RAPGEF4: variants seen among roughly 807,000 people sequenced by gnomAD.
RAPGEF4 encodes Rap guanine nucleotide exchange factor 4, also known as RAP guanine-nucleotide-exchange factor (GEF) 4.
Under a neutral mutation model 147.9 loss-of-function variants are expected in RAPGEF4, and 66 were observed. That is an observed-to-expected ratio of 0.45 (90% confidence interval 0.37 to 0.55). RAPGEF4 has a LOEUF of 0.55. Ranked by LOEUF, RAPGEF4 falls within the 20% of genes least tolerant of loss-of-function variation. The pLI is 0.00. For missense variants in RAPGEF4, 1,071 were observed against 1,257.3 expected (o/e 0.85, Z 2.24); for synonymous variants, 419 against 442.7 (o/e 0.95, Z 0.67).
At chr2:172,864,762 A>G (rs1694441585) in intron 4 of RAPGEF4, among the ~76,000 whole-genome samples, 1 of 152,204 alleles carries the variant, frequency 6.6e-6, no homozygotes, top group Non-Finnish European at 1.5e-5. Context: ...AAAATTAGCC[A>G]GGCATGGTGG....
intron 6 of RAPGEF4, among the ~76,000 whole-genome samples, chr2:172,959,728 G>A (rs905836568): frequency 6.6e-6 from 1 of 152,180 alleles, no homozygotes; most frequent in Non-Finnish European, 1.5e-5. Flanking sequence ...TGTAAGACTA[G>A]AGGGCTTAAT....
In RAPGEF4 at chr2:173,002,792, G is replaced by A. The variant is rs1321239995; in HGVS notation, c.1658+1448G>A. Reference sequence around the variant, plus strand: ...AGGTGCAACTCAGAGGCAGCTTCAAGAGGGAGATTTGTGTGTTTATTTGCC... The same window carrying A: ...AGGTGCAACTCAGAGGCAGCTTCAAAAGGGAGATTTGTGTGTTTATTTGCC... On this transcript the variant is annotated intron_variant, in intron 17 of 30. Coordinates refer to ENST00000397081, the MANE Select transcript of RAPGEF4 (RefSeq NM_007023.4). Among the ~76,000 whole-genome samples the A allele has an allele frequency of 2.0e-5, 3 of 152,148 alleles. No homozygotes were observed. The East Asian group carries it at 5.8e-4, about 29-fold the overall frequency.
chr2:172,975,706 C>T (rs576398400), intron 10 of RAPGEF4, among the ~76,000 whole-genome samples: 22 of 152,326 alleles, frequency 1.4e-4, no homozygotes, highest in African/African-American at 4.8e-4. Flanking sequence ...AGTAACAATG[C>T]ATTCATGTAG....
intron 19 of RAPGEF4, among the ~76,000 whole-genome samples, chr2:173,016,741 A>G (rs183808580): frequency 6.6e-6 from 1 of 152,356 alleles, no homozygotes; most frequent in Non-Finnish European, 1.5e-5. Context: ...TGGCAATAAA[A>G]TGGCCAGCGG....
chr2:172,822,010 G>A (rs750912583), intron 4 of RAPGEF4: 1 of 1,606,604 alleles, frequency 6.2e-7, no homozygotes, highest in Non-Finnish European at 8.5e-7. Context: ...TTAGTGAAGG[G>A]TGGGAGAGTG....
At chr2:172,859,440 G>C (rs1285796792) in intron 4 of RAPGEF4, among the ~76,000 whole-genome samples, 4 of 152,220 alleles carry the variant, frequency 2.6e-5, no homozygotes, top group Non-Finnish European at 5.9e-5. Flanking sequence ...GAAAGGAATT[G>C]ACAGCTCATG....
At chr2:173,020,051 A>C (rs1439720213) in intron 22 of RAPGEF4, among the ~76,000 whole-genome samples, 3 of 152,178 alleles carry the variant, frequency 2.0e-5, no homozygotes, top group African/African-American at 2.4e-5. Flanking sequence ...GCATGCAGTA[A>C]ATACAAAATA....
At chr2:172,965,523 G>A in intron 8 of RAPGEF4, 39 bp from the exon 9 acceptor site, 1 of 1,601,284 alleles carries the variant, frequency 6.2e-7, no homozygotes, top group African/African-American at 1.3e-5. Flanking sequence ...ATCTGAAAAG[G>A]GGTGACTTCC....
At chr2:172,884,910 A>G (rs551218891) in intron 4 of RAPGEF4, among the ~76,000 whole-genome samples, 8 of 152,364 alleles carry the variant, frequency 5.3e-5, no homozygotes, top group African/African-American at 1.9e-4. Flanking sequence ...CTTTCTGATG[A>G]AACATAAAGA....
chr2:173,015,506 G>A (rs749665454), intron 18 of RAPGEF4, among the ~76,000 whole-genome samples: 6 of 152,190 alleles, frequency 3.9e-5, no homozygotes, highest in African/African-American at 1.2e-4. Context: ...CCAGAGGTGC[G>A]AGGCAGTGAG....
intron 1 of RAPGEF4, among the ~76,000 whole-genome samples, chr2:172,755,443 G>A (rs1695679378): frequency 6.6e-6 from 1 of 152,178 alleles, no homozygotes; most frequent in Non-Finnish European, 1.5e-5. Context: ...TGCCCAGGCT[G>A]GAGTGCAGTG....
Position 173,042,090 on chromosome 2 carries a change from A to G in RAPGEF4, c.2853+5398A>G, listed in dbSNP as rs1238995085. Among the ~76,000 whole-genome samples, 1 of 152,168 alleles carries G rather than the reference A, an allele frequency of 6.6e-6. No homozygotes were observed. The highest frequency in any genetic ancestry group is 6.5e-5 in the Admixed American group (1 of 15,276). On this transcript the variant is annotated intron_variant, in intron 29 of 30. Transcript: ENST00000397081. The surrounding 1 kb of genome is among the most constrained non-coding windows in gnomAD (Gnocchi z 4.2). ...CTGGGATTATCTTCCTGCCTCTTCA[A>G]TGTCTTCCCTACCAGAATGTAAGTG...
intron 1 of RAPGEF4, among the ~76,000 whole-genome samples, chr2:172,741,294 A>G (rs776981847): frequency 8.5e-5 from 13 of 152,314 alleles, no homozygotes; most frequent in Non-Finnish European, 1.3e-4. Flanking sequence ...TTTAGTCCCT[A>G]TATTTTATTC....
chr2:173,023,150 A>AGAT (rs1203696266), intron 23 of RAPGEF4, among the ~76,000 whole-genome samples: 1 of 152,214 alleles, frequency 6.6e-6, no homozygotes, highest in African/African-American at 2.4e-5. Context: ...GAGGAAAGGA[A>AGAT]GATGCTCCGG....
chr2:172,963,281 C>T (rs1689490349), intron 8 of RAPGEF4, among the ~76,000 whole-genome samples: 1 of 152,152 alleles, frequency 6.6e-6, no homozygotes. Context: ...AGGCCCCCTA[C>T]ATACTGCTAT....
intron 4 of RAPGEF4, among the ~76,000 whole-genome samples, chr2:172,868,563 T>C (rs1010014933): frequency 2.6e-5 from 4 of 152,168 alleles, no homozygotes; most frequent in African/African-American, 9.7e-5. Flanking sequence ...GAATGGTGCC[T>C]GTGCCCTCTT....
At chr2:172,744,503 A>G (rs1694600692) in intron 1 of RAPGEF4, 25 of 449,216 alleles carry the variant, frequency 5.6e-5, no homozygotes, top group South Asian at 3.8e-4. Context: ...TAGGAGTCAG[A>G]CTGTATAGGC....
intron 4 of RAPGEF4, among the ~76,000 whole-genome samples, chr2:172,827,991 CT>C (rs993359524): frequency 7.4e-5 from 11 of 149,502 alleles, no homozygotes; most frequent in East Asian, 2.0e-4. Context: ...TTGATGCACA[CT>C]TTTTTTTTTA....
intron 17 of RAPGEF4, among the ~76,000 whole-genome samples, chr2:173,008,265 C>T (rs1385983672): frequency 6.6e-6 from 1 of 152,134 alleles, no homozygotes; most frequent in Non-Finnish European, 1.5e-5. Context: ...TATAAATTAT[C>T]CTAGAGTTGA....
Sources: allele counts gnomAD v4.1 joint callset (sites outside exome capture counted in the v4.1 genomes callset), GRCh38; gene constraint gnomAD v4.1.1; non-coding constraint Gnocchi (gnomAD v3.1); transcripts MANE v1.5; gene names NCBI Gene and HGNC (gene_info 2026-07-23, HGNC 2026-07-21).